The following MGAT4C variants were observed in gnomAD, a reference collection of about 807,000 sequenced individuals.
MGAT4C encodes alpha-1,3-mannosyl-glycoprotein 4-beta-N-acetylglucosaminyltransferase C.
Under a neutral mutation model 40.1 loss-of-function variants are expected in MGAT4C, and 19 were observed. That is an observed-to-expected ratio of 0.47 (90% CI 0.33 to 0.70). The LOEUF (loss-of-function observed/expected upper bound fraction) is 0.70, where lower values mean the gene tolerates loss of function less well. Among genes scored for constraint, MGAT4C ranks in the 30% least tolerant of loss-of-function variants. The pLI is 0.02. For missense variants in MGAT4C, 491 were observed against 563.2 expected (o/e 0.87, Z 1.30); for synonymous variants, 181 against 187.1 (o/e 0.97, Z 0.27).
intron 2 of MGAT4C, among the ~76,000 whole-genome samples, chr12:86,567,143 G>T (rs1013102990): frequency 6.6e-6 from 1 of 152,086 alleles, no homozygotes; most frequent in Non-Finnish European, 1.5e-5. Flanking sequence ...CCAATATATG[G>T]TACTGTTTCT....
At chr12:86,167,339 T>C (rs1008036507) in intron 1 of MGAT4C, among the ~76,000 whole-genome samples, 1 of 152,196 alleles carries the variant, frequency 6.6e-6, no homozygotes, top group Non-Finnish European at 1.5e-5. Flanking sequence ...ATTACAAATG[T>C]TTTGAGAAGC....
chr12:86,374,875 G>T (rs985389004), intron 3 of MGAT4C, among the ~76,000 whole-genome samples: 2 of 152,106 alleles, frequency 1.3e-5, no homozygotes, highest in African/African-American at 4.8e-5. Context: ...TGCTTTGCTG[G>T]TGTAGTAACA....
intron 3 of MGAT4C, among the ~76,000 whole-genome samples, chr12:86,346,270 G>A (rs1955030651): frequency 6.6e-6 from 1 of 152,006 alleles, no homozygotes; most frequent in Admixed American, 6.6e-5. Context: ...CTTCGCCCAG[G>A]CTGGAATGCA....
At chr12:85,991,442 G>C (rs1006619468) in intron 2 of MGAT4C, among the ~76,000 whole-genome samples, 3 of 152,146 alleles carry the variant, frequency 2.0e-5, no homozygotes, top group Admixed American at 6.5e-5. Context: ...CAGCCTGAAG[G>C]TGGGGCTTCA....
At position 85,958,863 on chromosome 12, in the gene MGAT4C, C is replaced by T. The variant is rs961868810; in HGVS notation, c.*20426G>A. On this transcript the variant is annotated 3_prime_UTR_variant, in exon 5 of 5. Coordinates refer to ENST00000611864, the MANE Select transcript of MGAT4C (RefSeq NM_001351288.2). ...TTTTAATTTAGTTAAGCTTACTTAA[C>T]TAATGATCAAATAGATTAAGTTGTA... is the stretch of plus-strand genomic sequence containing the variant. 5 of 151,842 alleles carry T rather than the reference C, an allele frequency of 3.3e-5. No homozygotes were observed. The highest frequency in any genetic ancestry group is 1.2e-4 in the African/African-American group (5 of 41,354). The allele number at this position is 151,842 out of a possible 1,614,324, so 9.4% of individuals were successfully genotyped here.
chr12:86,744,131 C>T (rs1410677646), intron 1 of MGAT4C, among the ~76,000 whole-genome samples: 2 of 151,458 alleles, frequency 1.3e-5, no homozygotes, highest in Non-Finnish European at 3.0e-5. Flanking sequence ...GCTGCAACTA[C>T]AAGAGAGTAC....
At chr12:86,531,036 C>G (rs975823876) in intron 2 of MGAT4C, among the ~76,000 whole-genome samples, 1 of 151,938 alleles carries the variant, frequency 6.6e-6, no homozygotes, top group Non-Finnish European at 1.5e-5. Context: ...CTATTATTCT[C>G]AAAAAGAAAG....
intron 1 of MGAT4C, among the ~76,000 whole-genome samples, chr12:86,116,849 T>C: frequency 6.6e-6 from 1 of 152,136 alleles, no homozygotes; most frequent in East Asian, 1.9e-4. Context: ...GGGACCATTT[T>C]CAATGGATAA....
At chr12:86,634,161 TA>T (rs536691362) in intron 2 of MGAT4C, among the ~76,000 whole-genome samples, 95 of 152,268 alleles carry the variant, frequency 6.2e-4, no homozygotes, top group Admixed American at 3.8e-3. Context: ...ATTAGTAGAC[TA>T]AAAGCAGTTC....
At position 85,970,976 on chromosome 12, in the gene MGAT4C, T is replaced by C. The variant is rs1262161640; in HGVS notation, c.*8313A>G. ...AATGAAAAAGTGGTATGAGGACTAT[T>C]GTTTGTGTTAAGTGAAATTATACCT... is the stretch of plus-strand genomic sequence containing the variant. On this transcript the variant is annotated 3_prime_UTR_variant, in exon 5 of 5. Transcript: ENST00000611864. 2.6e-5 allele frequency: 4 copies of C among 151,194 alleles called. No individual in the cohort carries two copies. Among genetic ancestry groups the C allele is most frequent in the Non-Finnish European group, 5.9e-5 (4 of 67,336 alleles). 9.4% of individuals were successfully genotyped at this position (151,194 alleles called of 1,614,324 possible). A position where few individuals can be genotyped will look rare whatever the true frequency, so the allele number is the denominator to read the frequency against.
chr12:86,541,840 G>A (rs1055657777), intron 2 of MGAT4C, among the ~76,000 whole-genome samples: 7 of 152,084 alleles, frequency 4.6e-5, no homozygotes, highest in Admixed American at 4.6e-4. Context: ...CTTTGTATAA[G>A]CAAATCAATA....
intron 1 of MGAT4C, among the ~76,000 whole-genome samples, chr12:86,103,726 G>T (rs890561251): frequency 6.6e-6 from 1 of 152,002 alleles, no homozygotes; most frequent in African/African-American, 2.4e-5. Context: ...GAAGGGAGAG[G>T]ACATCTGACC....
chr12:86,640,877 A>G (rs1371887923), intron 2 of MGAT4C, among the ~76,000 whole-genome samples: 6 of 151,688 alleles, frequency 4.0e-5, no homozygotes, highest in Non-Finnish European at 8.8e-5. Flanking sequence ...AGTCATTCAG[A>G]AGCAGGTTGT....
At chr12:86,255,906 T>C (rs1244416034) in intron 1 of MGAT4C, among the ~76,000 whole-genome samples, 1 of 152,124 alleles carries the variant, frequency 6.6e-6, no homozygotes, top group Non-Finnish European at 1.5e-5. Context: ...TAGAAAAATA[T>C]AGAGAAATGA....
intron 1 of MGAT4C, among the ~76,000 whole-genome samples, chr12:86,127,390 A>G (rs1169601890): frequency 6.6e-6 from 1 of 152,208 alleles, no homozygotes; most frequent in Non-Finnish European, 1.5e-5. Context: ...AAATTAACTT[A>G]GTAGGACTGG....
At chr12:86,372,021 A>T (rs1055544230) in intron 3 of MGAT4C, among the ~76,000 whole-genome samples, 12 of 151,968 alleles carry the variant, frequency 7.9e-5, no homozygotes, top group African/African-American at 2.9e-4. Context: ...CAAGTCCATA[A>T]GATGAATTTT....
At chr12:86,091,543 T>A (rs930035690) in intron 1 of MGAT4C, among the ~76,000 whole-genome samples, 5 of 152,032 alleles carry the variant, frequency 3.3e-5, no homozygotes, top group African/African-American at 1.2e-4. Flanking sequence ...AATGTCAGCA[T>A]CTAGAGAATA....
intron 2 of MGAT4C, chr12:86,011,885 C>T: frequency 3.0e-6 from 3 of 984,022 alleles, no homozygotes; most frequent in Non-Finnish European, 3.6e-6. Context: ...TATAAACTTC[C>T]ATGTCACATG....
Position 86,580,114 on chromosome 12 carries a change from C to T in MGAT4C, c.-228-144849G>A, listed in dbSNP as rs182235928. 3.2e-3 allele frequency among the ~76,000 whole-genome samples: 488 copies of T among 151,184 alleles called. 3 individuals carry two copies. Among genetic ancestry groups the T allele is most frequent in the African/African-American group, 0.011 (466 of 41,308 alleles). ...GTTTGGGATTAAAACTTATTTCTAC[C>T]CCTAGTTTACATTTTCTATTTTTCT... On this transcript the variant is annotated intron_variant, in intron 2 of 7. Transcript: ENST00000548651.
Sources: gnomAD v4.1 joint callset for allele counts (sites outside exome capture counted in the v4.1 genomes callset) on GRCh38, gnomAD v4.1.1 for gene constraint, MANE v1.5 for transcripts, NCBI Gene and HGNC (gene_info 2026-07-23, HGNC 2026-07-21) for gene names.